Variants in CR1L observed in about 807,000 individuals in gnomAD.
The protein encoded by CR1L is complement C3b/C4b receptor 1 like, also known as complement component receptor 1-like protein.
In CR1L, 59 loss-of-function variants were observed where a neutral mutation model predicts 62.3. That is an observed-to-expected ratio of 0.95 (90% CI 0.77 to 1.18). CR1L has a LOEUF of 1.18. Ranked by LOEUF, CR1L falls within the 50% of genes most tolerant of loss-of-function variation. The pLI is 0.00. For missense variants in CR1L, 700 were observed against 702.8 expected (o/e 1.00, Z 0.04); for synonymous variants, 279 against 248.7 (o/e 1.12, Z -1.15).
Position 207,694,582 on chromosome 1 carries a change from G to C in CR1L, c.693G>C (p.Thr231=), listed in dbSNP as rs374982373. 2 of 1,612,070 alleles carry C rather than the reference G, an allele frequency of 1.2e-6. No individual in the cohort carries two copies. The highest frequency in any genetic ancestry group is 1.7e-6 in the Non-Finnish European group (2 of 1,179,742). The change falls in exon 5 of 12, where the codon ACG becomes ACC. Residue 231 remains threonine, a synonymous_variant. Coordinates refer to ENST00000508064, the MANE Select transcript of CR1L (RefSeq NM_175710.2). ...AGTGCATTATACCTAACAAATGCACGCCTCCAAATGTGGAAAATGGAATAT... is the reference window on the plus strand; with the variant it reads ...AGTGCATTATACCTAACAAATGCACCCCTCCAAATGTGGAAAATGGAATAT... The part of the protein sequence containing the change: ...APQCIIPNKC[T]PPNVENGILV...
intron 9 of CR1L, among the ~76,000 whole-genome samples, chr1:207,702,340 C>G (rs183382418): frequency 2.6e-5 from 4 of 152,320 alleles, no homozygotes; most frequent in Admixed American, 6.5e-5. Flanking sequence ...TTCCCCTTCT[C>G]TCTCCCTCTC....
intron 11 of CR1L, among the ~76,000 whole-genome samples, chr1:207,722,567 C>G (rs796483062): frequency 2.6e-5 from 4 of 151,372 alleles, no homozygotes; most frequent in Non-Finnish European, 4.4e-5. Flanking sequence ...TGTTTTGGTA[C>G]CAGTACCATG....
intron 5 of CR1L, among the ~76,000 whole-genome samples, chr1:207,696,167 G>A (rs1283112588): frequency 1.3e-5 from 2 of 152,172 alleles, no homozygotes; most frequent in Non-Finnish European, 2.9e-5. Context: ...CCCTCCCACT[G>A]AGCAGGCAGC....
intron 4 of CR1L, among the ~76,000 whole-genome samples, chr1:207,689,423 A>G (rs1020125722): frequency 2.6e-5 from 4 of 151,952 alleles, no homozygotes; most frequent in African/African-American, 9.7e-5. Flanking sequence ...GTAACGTTGT[A>G]ACATTGATTT....
intron 10 of CR1L, among the ~76,000 whole-genome samples, chr1:207,709,530 G>A (rs1664319804): frequency 6.6e-6 from 1 of 152,074 alleles, no homozygotes; most frequent in Admixed American, 6.5e-5. Flanking sequence ...TCATTTAGCA[G>A]GAGAAATATA....
intron 1 of CR1L, among the ~76,000 whole-genome samples, chr1:207,665,662 G>A (rs1371204777): frequency 6.6e-6 from 1 of 152,134 alleles, no homozygotes; most frequent in Non-Finnish European, 1.5e-5. Context: ...AAAAATGCTG[G>A]GATTACAGGC....
chr1:207,693,908 A>G (rs1436361248), intron 4 of CR1L, among the ~76,000 whole-genome samples: 3 of 152,188 alleles, frequency 2.0e-5, no homozygotes, highest in Admixed American at 2.0e-4. Flanking sequence ...TCTCATATTC[A>G]TAAAAATGTT....
intron 9 of CR1L, among the ~76,000 whole-genome samples, chr1:207,702,809 A>G (rs1301124216): frequency 6.6e-6 from 1 of 152,198 alleles, no homozygotes; most frequent in East Asian, 1.9e-4. Flanking sequence ...GCAGCTGGGC[A>G]CTGTGGCTCA....
At chr1:207,652,749 C>T (rs370437126) in intron 1 of CR1L, 1 of 739,372 alleles carries the variant, frequency 1.4e-6, no homozygotes, top group Non-Finnish European at 2.4e-6. Flanking sequence ...AATAAACTAG[C>T]CTTTTTTTTT....
At chr1:207,714,324 C>A (rs943360927) in intron 10 of CR1L, among the ~76,000 whole-genome samples, 1 of 152,148 alleles carries the variant, frequency 6.6e-6, no homozygotes, top group African/African-American at 2.4e-5. Flanking sequence ...GTGCAAAAAA[C>A]CAATTAGGGA....
chr1:207,663,123 T>A (rs1273071179), intron 1 of CR1L, among the ~76,000 whole-genome samples: 5 of 152,196 alleles, frequency 3.3e-5, no homozygotes, highest in Non-Finnish European at 7.4e-5. Context: ...GTCTGCCCGT[T>A]CTCAGATCTC....
chr1:207,720,284 T>C (rs745980682), intron 11 of CR1L, among the ~76,000 whole-genome samples: 9 of 152,186 alleles, frequency 5.9e-5, no homozygotes, highest in African/African-American at 1.7e-4. Flanking sequence ...TACTGCTTTG[T>C]AGTGAGAAGA....
chr1:207,707,033 AAAATAGGTTT>A (rs1421558943), intron 9 of CR1L, among the ~76,000 whole-genome samples: 1 of 152,348 alleles, frequency 6.6e-6, no homozygotes, highest in Admixed American at 6.5e-5. Flanking sequence ...TGAAATTGAG[AAAATAGGTTT>A]AAATATATGT....
chr1:207,700,986 A>G (rs1426038135), intron 8 of CR1L, among the ~76,000 whole-genome samples: 1 of 152,248 alleles, frequency 6.6e-6, no homozygotes, highest in Non-Finnish European at 1.5e-5. Flanking sequence ...GTGGGATAAG[A>G]GAAACCTTTT....
intron 1 of CR1L, chr1:207,657,090 T>C: frequency 1.5e-6 from 1 of 645,832 alleles, no homozygotes. Context: ...CTTAATCTTT[T>C]ACATTTCTTT....
chr1:207,667,586 T>A (rs1159341369), intron 1 of CR1L, among the ~76,000 whole-genome samples: 1 of 152,188 alleles, frequency 6.6e-6, no homozygotes, highest in Non-Finnish European at 1.5e-5. Flanking sequence ...GATGAGGACA[T>A]TTTGGGGGAA....
chr1:207,645,865 G>A (rs527577356), intron 1 of CR1L, among the ~76,000 whole-genome samples: 12 of 152,318 alleles, frequency 7.9e-5, no homozygotes, highest in African/African-American at 2.6e-4. Context: ...CAGGGGCCTG[G>A]CCAGGTGTTG....
intron 1 of CR1L, chr1:207,658,967 C>G (rs1043955642): frequency 1.3e-5 from 2 of 152,358 alleles, no homozygotes; most frequent in African/African-American, 4.8e-5. Flanking sequence ...GTGGTCAGTT[C>G]TTACGACAAC....
At chr1:207,665,043 C>T (rs762570967) in intron 1 of CR1L, among the ~76,000 whole-genome samples, 67 of 152,182 alleles carry the variant, frequency 4.4e-4, no homozygotes, top group Non-Finnish European at 6.9e-4. Flanking sequence ...AAATATGAAA[C>T]GTAGTGAGCA....
Sources: gnomAD v4.1 joint callset for allele counts (sites outside exome capture counted in the v4.1 genomes callset) on GRCh38, gnomAD v4.1.1 for gene constraint, MANE v1.5 for transcripts, NCBI Gene and HGNC (gene_info 2026-07-23, HGNC 2026-07-21) for gene names.